Variants in PPP1R16B observed in about 807,000 individuals in gnomAD.
PPP1R16B encodes protein phosphatase 1 regulatory inhibitor subunit 16B.
In PPP1R16B, 14 loss-of-function variants were observed where a neutral mutation model predicts 61.7. The observed-to-expected ratio is 0.23, with a 90% CI of 0.15 to 0.35. PPP1R16B has a LOEUF of 0.35. Among genes scored for constraint, PPP1R16B ranks in the 10% least tolerant of loss-of-function variants. PPP1R16B has a pLI of 1.00. For missense variants in PPP1R16B, 547 were observed against 752.5 expected (o/e 0.73, Z 3.19); for synonymous variants, 266 against 305.3 (o/e 0.87, Z 1.34).
intron 2 of PPP1R16B, among the ~76,000 whole-genome samples, chr20:38,889,154 T>G (rs994277477): frequency 6.6e-6 from 1 of 152,112 alleles, no homozygotes; most frequent in Non-Finnish European, 1.5e-5. Flanking sequence ...CTCACCTCGA[T>G]GACCACTCAC....
intron 2 of PPP1R16B, among the ~76,000 whole-genome samples, chr20:38,867,848 T>C (rs929033836): frequency 9.1e-4 from 138 of 152,250 alleles, no homozygotes; most frequent in Non-Finnish European, 1.3e-3. Context: ...AATTTTTGTA[T>C]TTTTAGTAGA....
intron 2 of PPP1R16B, among the ~76,000 whole-genome samples, chr20:38,847,690 A>T (rs1159057854): frequency 6.6e-6 from 1 of 152,012 alleles, no homozygotes; most frequent in Non-Finnish European, 1.5e-5. Context: ...TGTGCTTCTT[A>T]TTGGTTTCAA....
At chr20:38,813,626 G>A (rs567409116) in intron 1 of PPP1R16B, among the ~76,000 whole-genome samples, 4 of 152,248 alleles carry the variant, frequency 2.6e-5, no homozygotes, top group African/African-American at 9.6e-5. Context: ...GCACCCTGCA[G>A]GGTTGCATCT....
chr20:38,867,642 T>C (rs1734972915), intron 2 of PPP1R16B, among the ~76,000 whole-genome samples: 1 of 152,100 alleles, frequency 6.6e-6, no homozygotes, highest in African/African-American at 2.4e-5. Context: ...ATTTCCAAAA[T>C]GTGTTAGCTG....
At chr20:38,906,943 G>A (rs2085448466) in intron 7 of PPP1R16B, 36 bp from the exon 8 acceptor site, 1 of 1,583,662 alleles carries the variant, frequency 6.3e-7, no homozygotes, top group Non-Finnish European at 8.7e-7. Context: ...CTGAGCTCTG[G>A]GCAGGGGGAC....
intron 2 of PPP1R16B, among the ~76,000 whole-genome samples, chr20:38,857,692 AT>A: frequency 6.6e-6 from 1 of 152,276 alleles, no homozygotes; most frequent in South Asian, 2.1e-4. Context: ...TTAAAGCTCC[AT>A]TTTTGGCAAG....
At chr20:38,838,733 C>A (rs1175653290) in intron 2 of PPP1R16B, among the ~76,000 whole-genome samples, 1 of 152,198 alleles carries the variant, frequency 6.6e-6, no homozygotes, top group Non-Finnish European at 1.5e-5. Flanking sequence ...CATTGCCCCT[C>A]CCTGAGGGGC....
At chr20:38,843,017 G>A (rs1009789829) in intron 2 of PPP1R16B, among the ~76,000 whole-genome samples, 2 of 152,200 alleles carry the variant, frequency 1.3e-5, no homozygotes, top group African/African-American at 4.8e-5. Flanking sequence ...GGGGTGATTT[G>A]TGGAAAGTTT....
At chr20:38,846,918 AC>A (rs1428446826) in intron 2 of PPP1R16B, among the ~76,000 whole-genome samples, 7 of 152,116 alleles carry the variant, frequency 4.6e-5, no homozygotes, top group Non-Finnish European at 8.8e-5. Flanking sequence ...GGTGGGAGGA[AC>A]TTTTGAGCCC....
intron 2 of PPP1R16B, chr20:38,873,077 C>G (rs2085141365): frequency 6.6e-6 from 1 of 152,286 alleles, no homozygotes; most frequent in South Asian, 2.1e-4. Flanking sequence ...GCACCCTTAG[C>G]TCAGGAGGGT....
intron 1 of PPP1R16B, among the ~76,000 whole-genome samples, chr20:38,829,580 C>G (rs1242699594): frequency 1.3e-5 from 2 of 152,236 alleles, no homozygotes; most frequent in Non-Finnish European, 2.9e-5. Context: ...TCTCCCAGGT[C>G]CTGGCAGTTT....
intron 2 of PPP1R16B, among the ~76,000 whole-genome samples, chr20:38,859,312 G>T (rs796469516): frequency 1.8e-4 from 27 of 151,876 alleles, no homozygotes; most frequent in South Asian, 4.2e-4. Context: ...TTGGCGGGGT[G>T]GGGGAGGGTG....
chr20:38,884,077 G>C (rs1436699648), intron 2 of PPP1R16B, among the ~76,000 whole-genome samples: 1 of 152,208 alleles, frequency 6.6e-6, no homozygotes, highest in Non-Finnish European at 1.5e-5. Flanking sequence ...TGGCCGAAGG[G>C]AATAAGCGTG....
In PPP1R16B at chr20:38,889,662, C is replaced by G; in HGVS notation, c.318C>G (p.His106Gln). ...ATGAGGACGGACTCACAGCCCTACACCAGGTAAGGCCGGGCTCGTTGGGGC... is the reference window on the plus strand; with the variant it reads ...ATGAGGACGGACTCACAGCCCTACAGCAGGTAAGGCCGGGCTCGTTGGGGC... ...LCNEDGLTAL[H>Q]QCCIDNFEEI... Residue 106 changes from histidine to glutamine, a missense_variant, in exon 3 of 11, where the codon CAC becomes CAG. Transcript: ENST00000299824. The G allele has an allele frequency of 6.3e-7, 1 of 1,587,886 alleles. No homozygotes were observed. Among genetic ancestry groups the G allele is most frequent in the Non-Finnish European group, 8.7e-7 (1 of 1,156,056 alleles).
At chr20:38,859,267 C>T (rs1253076567) in intron 2 of PPP1R16B, among the ~76,000 whole-genome samples, 2 of 146,008 alleles carry the variant, frequency 1.4e-5, no homozygotes, top group Admixed American at 1.4e-4. Flanking sequence ...GGGTGGGGAA[C>T]GGGGAGTGAC....
At chr20:38,840,478 C>T (rs1198011759) in intron 2 of PPP1R16B, among the ~76,000 whole-genome samples, 2 of 152,178 alleles carry the variant, frequency 1.3e-5, no homozygotes, top group Non-Finnish European at 2.9e-5. Context: ...ACCCTCTGCC[C>T]CAGGCGACGC....
At chr20:38,881,459 AG>A (rs1307503984) in intron 2 of PPP1R16B, among the ~76,000 whole-genome samples, 1 of 151,970 alleles carries the variant, frequency 6.6e-6, no homozygotes, top group African/African-American at 2.4e-5. Context: ...CACCTTGAAG[AG>A]GGGGAAATAA....
At chr20:38,893,274 A>G (rs970145985) in intron 3 of PPP1R16B, among the ~76,000 whole-genome samples, 4 of 152,152 alleles carry the variant, frequency 2.6e-5, no homozygotes, top group Non-Finnish European at 4.4e-5. Flanking sequence ...TATCACTGCT[A>G]TTGTCACTGT....
At chr20:38,854,199 C>G (rs956271621) in intron 2 of PPP1R16B, among the ~76,000 whole-genome samples, 2 of 152,196 alleles carry the variant, frequency 1.3e-5, no homozygotes, top group African/African-American at 4.8e-5. Context: ...AACACTGCCT[C>G]TCTCTGGGAA....
Sources: gnomAD v4.1 joint callset for allele counts (sites outside exome capture counted in the v4.1 genomes callset) on GRCh38, gnomAD v4.1.1 for gene constraint, MANE v1.5 for transcripts, NCBI Gene and HGNC (gene_info 2026-07-23, HGNC 2026-07-21) for gene names.